Variants in RBFOX1 observed in about 807,000 individuals in gnomAD.
RBFOX1 encodes the protein RNA binding protein fox-1 homolog 1.
A neutral mutation model predicts 57.7 loss-of-function variants in RBFOX1; 8 were observed. The ratio of observed to expected loss-of-function variants is 0.14; its 90% CI spans 0.08 to 0.25. The LOEUF is 0.25. Ranked by LOEUF, RBFOX1 falls within the 10% of genes least tolerant of loss-of-function variation. RBFOX1 has a pLI of 1.00. For synonymous variants in RBFOX1, 326 were observed against 222.4 expected (o/e 1.47, Z -4.15); for missense variants, 611 against 548.5 (o/e 1.11, Z -1.14).
chr16:7,291,850 G>C lies in RBFOX1; in HGVS notation c.28-226297G>C, dbSNP rs534055548. Among the ~76,000 whole-genome samples the C allele has an allele frequency of 6.1e-5, 9 of 148,006 alleles. No individual in the cohort carries two copies. The South Asian group carries it at 1.5e-3, about 24-fold the overall frequency. ...CAAATCCTTCACAAGTGTGTAAAGA[G>C]TATCATAGCCATTACTATATTACTA... On this transcript the variant is annotated intron_variant, in intron 4 of 15. Transcript: ENST00000550418.
intron 1 of RBFOX1, chr16:5,467,198 T>TCTCTC: frequency 7.6e-6 from 7 of 924,540 alleles, no homozygotes; most frequent in Non-Finnish European, 9.9e-6. Flanking sequence ...CTCTCTCTCT[T>TCTCTC]TTTTTTTTTT....
intron 2 of RBFOX1, among the ~76,000 whole-genome samples, chr16:6,438,139 C>G (rs2094287168): frequency 6.6e-6 from 1 of 152,192 alleles, no homozygotes; most frequent in African/African-American, 2.4e-5. Flanking sequence ...ATATCGGTGT[C>G]TTTTGTAAAC....
chr16:7,657,249 A>G (rs899033235), intron 12 of RBFOX1, among the ~76,000 whole-genome samples: 2 of 152,170 alleles, frequency 1.3e-5, no homozygotes, highest in African/African-American at 4.8e-5. Flanking sequence ...TATCCAACAT[A>G]AAGATAGTCA....
At position 5,313,514 on chromosome 16, in the gene RBFOX1, C is replaced by G. The variant is rs114462620; in HGVS notation, c.219+73409C>G. Among the ~76,000 whole-genome samples, 1,049 of 152,164 alleles carry G rather than the reference C, an allele frequency of 6.9e-3. 9 individuals carry two copies. Among genetic ancestry groups the G allele is most frequent in the African/African-American group, 0.024 (989 of 41,504 alleles). ...GACTTACAAGAAGACTGTATTAGTC[C>G]ATATTCATGCTGCTGATAAAGACTT... On this transcript the variant is annotated intron_variant, in intron 1 of 2. Coordinates refer to the RBFOX1 transcript ENST00000585867.
chr16:6,198,066 C>G (rs191939681), intron 1 of RBFOX1, among the ~76,000 whole-genome samples: 7 of 152,152 alleles, frequency 4.6e-5, no homozygotes, highest in Non-Finnish European at 1.0e-4. Flanking sequence ...ACTTACCTGA[C>G]GCAGATAATT....
At chr16:6,910,601 C>T (rs549740338) in intron 3 of RBFOX1, among the ~76,000 whole-genome samples, 4 of 152,098 alleles carry the variant, frequency 2.6e-5, no homozygotes, top group Non-Finnish European at 5.9e-5. Flanking sequence ...GCATTTCTTC[C>T]GGAGGTTTTA....
chr16:6,217,130 C>G (rs909228018), intron 1 of RBFOX1, among the ~76,000 whole-genome samples: 24 of 149,480 alleles, frequency 1.6e-4, no homozygotes, highest in African/African-American at 5.4e-4. Context: ...TCATAGTCAC[C>G]TCTGTGTATG....
intron 3 of RBFOX1, among the ~76,000 whole-genome samples, chr16:5,802,333 C>T (rs2055084981): frequency 6.6e-6 from 1 of 152,128 alleles, no homozygotes; most frequent in Non-Finnish European, 1.5e-5. Flanking sequence ...ACCAACTTTG[C>T]CTCCTGTGAC....
chr16:6,851,191 T>A (rs1190297069), intron 3 of RBFOX1, among the ~76,000 whole-genome samples: 1 of 152,220 alleles, frequency 6.6e-6, no homozygotes, highest in Non-Finnish European at 1.5e-5. Flanking sequence ...AAAGGTTACA[T>A]ACAAAATGAT....
intron 3 of RBFOX1, among the ~76,000 whole-genome samples, chr16:6,756,731 G>A (rs2075844278): frequency 6.6e-6 from 1 of 152,082 alleles, no homozygotes; most frequent in African/African-American, 2.4e-5. Context: ...CAACACTTTG[G>A]GAGGCTGAGG....
chr16:6,594,738 G>A (rs914656863), intron 2 of RBFOX1, among the ~76,000 whole-genome samples: 5 of 151,956 alleles, frequency 3.3e-5, no homozygotes, highest in African/African-American at 1.2e-4. Flanking sequence ...CTTACTATAT[G>A]GTATGCGTAT....
At chr16:6,845,731 T>G (rs2093719820) in intron 3 of RBFOX1, among the ~76,000 whole-genome samples, 1 of 152,168 alleles carries the variant, frequency 6.6e-6, no homozygotes, top group Non-Finnish European at 1.5e-5. Context: ...CCCATGTACC[T>G]CCTTCCTGAC....
At chr16:5,916,815 G>T (rs1387457564) in intron 4 of RBFOX1, among the ~76,000 whole-genome samples, 2 of 152,162 alleles carry the variant, frequency 1.3e-5, no homozygotes, top group Non-Finnish European at 2.9e-5. Context: ...ATTGAGCTGG[G>T]AGAGAGTCGG....
intron 1 of RBFOX1, among the ~76,000 whole-genome samples, chr16:5,426,074 G>C (rs1046118009): frequency 1.1e-4 from 16 of 152,174 alleles, no homozygotes; most frequent in African/African-American, 3.9e-4. Flanking sequence ...GAAATCCTCT[G>C]AGTCTCCTTC....
At chr16:7,246,483 C>G (rs1462811878) in intron 4 of RBFOX1, among the ~76,000 whole-genome samples, 1 of 152,152 alleles carries the variant, frequency 6.6e-6, no homozygotes, top group South Asian at 2.1e-4. Context: ...CTTTCAGGCT[C>G]TGCATTATCT....
At position 6,305,465 on chromosome 16, in the gene RBFOX1, T is replaced by A. The variant is rs187651145; in HGVS notation, c.-126-11530T>A. On this transcript the variant is annotated intron_variant, in intron 1 of 15. Transcript: ENST00000550418. ...ATTTTCTTGCTATTGGCATTGTCTT[T>A]ATTTACACATACTCACATGCATATG... Among the ~76,000 whole-genome samples, 63 of 152,238 alleles carry A rather than the reference T, an allele frequency of 4.1e-4. 2 individuals carry two copies. In the East Asian group the frequency reaches 8.8e-3, roughly 21 times the overall value.
At chr16:7,248,657 C>G (rs970686597) in intron 4 of RBFOX1, among the ~76,000 whole-genome samples, 1 of 151,990 alleles carries the variant, frequency 6.6e-6, no homozygotes, top group South Asian at 2.1e-4. Context: ...CTAATAGTTG[C>G]TTATAGGAAA....
intron 4 of RBFOX1, among the ~76,000 whole-genome samples, chr16:7,427,673 C>T (rs2098634863): frequency 6.7e-6 from 1 of 149,876 alleles, no homozygotes; most frequent in Non-Finnish European, 1.5e-5. Flanking sequence ...GAGATGGAGT[C>T]TCTCTCTGTT....
At position 7,029,187 on chromosome 16, in the gene RBFOX1, TATACACATATGTATACGTATAC is replaced by T. The variant is rs1357383112; in HGVS notation, c.-15-22869_-15-22848del. Among the ~76,000 whole-genome samples, 31 of 58,052 alleles carry T rather than the reference TATACACATATGTATACGTATAC, an allele frequency of 5.3e-4. 7 individuals are homozygous for T. Among genetic ancestry groups the T allele is most frequent in the African/African-American group, 1.2e-3 (30 of 24,974 alleles). The allele number at this position is 58,052 out of a possible 152,430, so 38.1% of individuals were successfully genotyped here. On this transcript the variant is annotated intron_variant, in intron 3 of 15. Coordinates refer to ENST00000550418, the MANE Select transcript of RBFOX1 (RefSeq NM_018723.4). ...ACATATATATACGTATACGTGTATA[TATACACATATGTATACGTATAC>T]GTATATATATACACACATATATATA... is the stretch of plus-strand genomic sequence containing the variant.
Sources: allele counts gnomAD v4.1 joint callset (sites outside exome capture counted in the v4.1 genomes callset), GRCh38; gene constraint gnomAD v4.1.1; transcripts MANE v1.5; gene names NCBI Gene and HGNC (gene_info 2026-07-23, HGNC 2026-07-21).